The following PPARGC1A variants were observed in gnomAD, a reference collection of about 807,000 sequenced individuals.
The protein encoded by PPARGC1A is PPARG coactivator 1 alpha, also known as peroxisome proliferator-activated receptor gamma coactivator 1-alpha.
Under a neutral mutation model 88.7 loss-of-function variants are expected in PPARGC1A, and 25 were observed. The observed-to-expected ratio is 0.28, with a 90% confidence interval of 0.21 to 0.39. The LOEUF is 0.39. PPARGC1A is among the 10% of genes least tolerant of loss of function. The pLI, the probability that PPARGC1A is intolerant of heterozygous loss-of-function variation, is 1.00. For synonymous variants in PPARGC1A, 363 were observed against 355.6 expected (o/e 1.02, Z -0.24); for missense variants, 880 against 968.7 (o/e 0.91, Z 1.22).
chr4:24,137,028 C>A, the PPARGC1A span, among the ~76,000 whole-genome samples: 13 of 150,928 alleles, frequency 8.6e-5, no homozygotes, highest in African/African-American at 2.7e-4. Context: ...GCAGGAGAAT[C>A]GCTTAAACCT....
At chr4:24,396,277 G>A in the PPARGC1A span, among the ~76,000 whole-genome samples, 2 of 152,148 alleles carry the variant, frequency 1.3e-5, no homozygotes, top group Non-Finnish European at 1.5e-5. Context: ...AGGCAGCAGC[G>A]CGTCAAGGAA....
At chr4:24,156,177 T>G in the PPARGC1A span, among the ~76,000 whole-genome samples, 1 of 152,154 alleles carries the variant, frequency 6.6e-6, no homozygotes, top group African/African-American at 2.4e-5. Context: ...AAACCCAGTT[T>G]CTTTACCTCC....
chr4:24,342,421 T>C, the PPARGC1A span, among the ~76,000 whole-genome samples: 4 of 152,210 alleles, frequency 2.6e-5, no homozygotes, highest in Non-Finnish European at 5.9e-5. Flanking sequence ...AAGATCACGT[T>C]GCTGACAATT....
the PPARGC1A span, among the ~76,000 whole-genome samples, chr4:24,400,113 G>A: frequency 6.6e-6 from 1 of 152,142 alleles, no homozygotes; most frequent in East Asian, 1.9e-4. Flanking sequence ...ATTCTATGGA[G>A]TAATTCTTAA....
chr4:23,992,646 T>C, the PPARGC1A span, among the ~76,000 whole-genome samples: 1 of 136,806 alleles, frequency 7.3e-6, no homozygotes, highest in Non-Finnish European at 1.6e-5. Flanking sequence ...TCGTACCTTT[T>C]GACAAGCTGC....
At chr4:24,294,418 A>T in the PPARGC1A span, among the ~76,000 whole-genome samples, 1 of 152,206 alleles carries the variant, frequency 6.6e-6, no homozygotes, top group Non-Finnish European at 1.5e-5. Context: ...AAGGAAAGGA[A>T]TAAAAATTTA....
At chr4:23,845,504 G>T (rs185613036) in intron 2 of PPARGC1A, among the ~76,000 whole-genome samples, 31 of 152,256 alleles carry the variant, frequency 2.0e-4, no homozygotes, top group Non-Finnish European at 4.1e-4. Flanking sequence ...GCATTAGAAT[G>T]AGAGAAAATT....
At chr4:24,269,981 T>C in the PPARGC1A span, among the ~76,000 whole-genome samples, 1 of 152,208 alleles carries the variant, frequency 6.6e-6, no homozygotes, top group African/African-American at 2.4e-5. Context: ...CCCAGCTCTA[T>C]GGTTAAATAT....
chr4:23,845,835 A>G lies in PPARGC1A; in HGVS notation c.235-14084T>C, dbSNP rs59067769. Among the ~76,000 whole-genome samples, 356 of 152,308 alleles carry G rather than the reference A, an allele frequency of 2.3e-3. 1 individual carries two copies. Among genetic ancestry groups the G allele is most frequent in the African/African-American group, 8.3e-3 (345 of 41,580 alleles). ...GTTTAGGTTTCCAAAGCATCTGAGC[A>G]AGTTTGCAATCTCCTAGGATTTAGA... On this transcript the variant is annotated intron_variant, in intron 2 of 12. Transcript: ENST00000264867.
intron 2 of PPARGC1A, among the ~76,000 whole-genome samples, chr4:23,862,250 T>G (rs4452416): frequency 0.13 from 19,873 of 152,262 alleles, 1,429 homozygotes; most frequent in African/African-American, 0.14. Flanking sequence ...AGGTCAAGTC[T>G]CTGCTAGATG....
the PPARGC1A span, among the ~76,000 whole-genome samples, chr4:24,471,936 C>A: frequency 6.6e-6 from 1 of 152,168 alleles, no homozygotes; most frequent in South Asian, 2.1e-4. This position sits in a 1 kb window ranked among gnomAD's most constrained non-coding sequence, Gnocchi z 5.4. Flanking sequence ...GACAGCACGT[C>A]GCGGGGGGCT....
At chr4:24,264,780 C>A in the PPARGC1A span, among the ~76,000 whole-genome samples, 2 of 152,116 alleles carry the variant, frequency 1.3e-5, no homozygotes, top group Non-Finnish European at 2.9e-5. Context: ...GACCATGCAC[C>A]CAGAGCAGGT....
chr4:24,259,164 T>C, the PPARGC1A span, among the ~76,000 whole-genome samples: 1 of 152,176 alleles, frequency 6.6e-6, no homozygotes, highest in African/African-American at 2.4e-5. Flanking sequence ...CCATACTATT[T>C]GGGATTACAG....
chr4:24,305,644 C>T, the PPARGC1A span, among the ~76,000 whole-genome samples: 1 of 152,102 alleles, frequency 6.6e-6, no homozygotes, highest in East Asian at 1.9e-4. Context: ...GACACCCTAT[C>T]TCTACTAAAA....
At chr4:24,145,078 A>AGTGTGTGTGT in the PPARGC1A span, among the ~76,000 whole-genome samples, 2,948 of 144,266 alleles carry the variant, frequency 0.02, 42 homozygotes, top group South Asian at 0.036. Flanking sequence ...GTGTTGAATG[A>AGTGTGTGTGT]GTGTGTGTGT....
chr4:24,333,937 CAACAAAAAAA>C, the PPARGC1A span, among the ~76,000 whole-genome samples: 4 of 10,382 alleles, frequency 3.9e-4, no homozygotes, highest in East Asian at 0.017. Flanking sequence ...CCAACAACAA[CAACAAAAAAA>C]AAAAAAAAAA....
At chr4:24,338,253 C>T in the PPARGC1A span, among the ~76,000 whole-genome samples, 2 of 152,116 alleles carry the variant, frequency 1.3e-5, no homozygotes, top group African/African-American at 4.8e-5. Flanking sequence ...TTTAGAGTTG[C>T]TATTAGAATA....
chr4:24,123,222 C>A, the PPARGC1A span, among the ~76,000 whole-genome samples: 2 of 152,204 alleles, frequency 1.3e-5, no homozygotes, highest in Non-Finnish European at 2.9e-5. Flanking sequence ...TTCCATTCAA[C>A]AACCAAGCCA....
chr4:24,046,376 C>T, the PPARGC1A span, among the ~76,000 whole-genome samples: 1 of 152,250 alleles, frequency 6.6e-6, no homozygotes, highest in East Asian at 1.9e-4. Context: ...ATTTGCAACC[C>T]TCTCCAAACT....
Sources: gnomAD v4.1 joint callset for allele counts (sites outside exome capture counted in the v4.1 genomes callset) on GRCh38, gnomAD v4.1.1 for gene constraint, Gnocchi (gnomAD v3.1) non-coding constraint, MANE v1.5 for transcripts, NCBI Gene and HGNC (gene_info 2026-07-23, HGNC 2026-07-21) for gene names.